The following TBC1D2B variants were observed in gnomAD, a reference collection of about 807,000 sequenced individuals.
TBC1D2B encodes the protein TBC1 domain family member 2B.
A neutral mutation model predicts 100.8 loss-of-function variants in TBC1D2B; 64 were observed. The ratio of observed to expected loss-of-function variants is 0.64; its 90% CI spans 0.52 to 0.78. The LOEUF (loss-of-function observed/expected upper bound fraction) is 0.78, where lower values mean the gene tolerates loss of function less well. Ranked by LOEUF, TBC1D2B falls within the 30% of genes least tolerant of loss-of-function variation. The pLI, the probability that TBC1D2B is intolerant of heterozygous loss-of-function variation, is 0.00. For synonymous variants in TBC1D2B, 480 were observed against 479.7 expected (o/e 1.00, Z -0.01); for missense variants, 1,052 against 1,218.4 (o/e 0.86, Z 2.03).
chr15:78,009,032 G>A lies in TBC1D2B; in HGVS notation c.2353C>T (p.Arg785Ter), dbSNP rs1470259761. The change falls in exon 10 of 13, where the codon CGA becomes TGA. Residue 785 changes from arginine (R) to a stop codon, truncating the protein, a stop_gained. Coordinates refer to ENST00000300584, the MANE Select transcript of TBC1D2B (RefSeq NM_144572.2). LOFTEE classifies it high-confidence loss of function. Reference protein sequence around the residue: ...LVTIVEVFMPRDYYTKTLLGS... With the variant: ...LVTIVEVFMP Reference sequence around the variant, plus strand: ...AAAAGAGTCTTTGTATAATAGTCTCGAGGCATGAAAACTTCCACTATGGTA... The same window carrying A: ...AAAAGAGTCTTTGTATAATAGTCTCAAGGCATGAAAACTTCCACTATGGTA... 2 of 1,605,642 alleles carry A rather than the reference G, an allele frequency of 1.2e-6. No homozygotes were observed. The highest frequency in any genetic ancestry group is 1.7e-6 in the Non-Finnish European group (2 of 1,175,828).
At chr15:78,063,707 TAAC>T (rs1356311279) in intron 1 of TBC1D2B, among the ~76,000 whole-genome samples, 6 of 152,060 alleles carry the variant, frequency 3.9e-5, no homozygotes, top group Non-Finnish European at 7.4e-5. Flanking sequence ...CTGTGAGCAA[TAAC>T]AACACCACAC....
intron 1 of TBC1D2B, among the ~76,000 whole-genome samples, chr15:78,060,403 C>T (rs1567033461): frequency 4.0e-5 from 6 of 151,244 alleles, no homozygotes; most frequent in Admixed American, 2.0e-4. Flanking sequence ...TTTGGGAGGC[C>T]CAGGTGGGTG....
At position 78,054,012 on chromosome 15, in the gene TBC1D2B, C is replaced by T. The variant is rs771659176; in HGVS notation, c.514+22G>A. The T allele has an allele frequency of 3.7e-6, 6 of 1,602,990 alleles. No homozygotes were observed. In the African/African-American group the frequency reaches 8.1e-5, roughly 22 times the overall value. Reference sequence around the variant, plus strand: ...TGGCTTACACAAAGAACTGACCCAGCTCCCCTTTATTTCTGCCTTACCAGT... The same window carrying T: ...TGGCTTACACAAAGAACTGACCCAGTTCCCCTTTATTTCTGCCTTACCAGT... On this transcript the variant is annotated intron_variant, in intron 2 of 12. Transcript: ENST00000300584.
chr15:78,019,655 A>T (rs891650045), intron 6 of TBC1D2B, among the ~76,000 whole-genome samples: 28 of 152,002 alleles, frequency 1.8e-4, no homozygotes, highest in African/African-American at 5.8e-4. Context: ...TGGGAGGCCA[A>T]GGCAAGAGGA....
At chr15:78,020,888 C>T (rs16953970) in intron 6 of TBC1D2B, among the ~76,000 whole-genome samples, 8,719 of 152,092 alleles carry the variant, frequency 0.057, 359 homozygotes, top group East Asian at 0.24. Context: ...GAACAGCAAA[C>T]GCAGGAAGAA....
chr15:78,002,578 A>C (rs1407272404), intron 11 of TBC1D2B: 1 of 152,074 alleles, frequency 6.6e-6, no homozygotes, highest in Non-Finnish European at 1.5e-5. Context: ...CTTTGGAACA[A>C]ACTGCTTTCC....
chr15:78,028,376 G>T (rs2072725036), intron 4 of TBC1D2B, among the ~76,000 whole-genome samples: 1 of 152,218 alleles, frequency 6.6e-6, no homozygotes, highest in South Asian at 2.1e-4. Flanking sequence ...TCAGGAGGCT[G>T]AGGCAGAATC....
At position 78,001,737 on chromosome 15, in the gene TBC1D2B, T is replaced by C. The variant is rs867173497; in HGVS notation, c.2578A>G (p.Ile860Val). The stretch of plus-strand genomic sequence containing the variant: ...AAAAGTGCCAGAGCAAAACGGAAAA[T>C]AACCTGTGGAATAAACAGGGAAATC... ...DSFLYEGPKV[I>V]FRFALALFKY... The change falls in exon 12 of 13, where the codon ATT becomes GTT. Residue 860 changes from isoleucine (I) to valine (V), a missense_variant. By Grantham distance (29) the Ile-to-Val change is conservative (BLOSUM62 3). Transcript: ENST00000300584. 3.7e-6 allele frequency: 6 copies of C among 1,605,594 alleles called. No individual in the cohort carries two copies. The African/African-American group carries it at 5.4e-5, about 14-fold the overall frequency.
intron 1 of TBC1D2B, among the ~76,000 whole-genome samples, chr15:78,057,640 T>C (rs1165879412): frequency 1.3e-5 from 2 of 151,766 alleles, no homozygotes; most frequent in African/African-American, 4.8e-5. Context: ...TGAGACTCTG[T>C]CTCAAAGAAA....
chr15:78,013,729 T>C (rs908577075), intron 8 of TBC1D2B, among the ~76,000 whole-genome samples: 1 of 151,572 alleles, frequency 6.6e-6, no homozygotes, highest in Non-Finnish European at 1.5e-5. Context: ...TTTAAAAGAT[T>C]AAAAAAAAAC....
rs574538050 is a variant in TBC1D2B at position 78,012,771 on chromosome 15, T to G, written c.2270+52A>C. 1.4e-5 allele frequency: 19 copies of G among 1,399,682 alleles called. No individual in the cohort carries two copies. The South Asian group carries it at 4.1e-4, about 30-fold the overall frequency. The allele number at this position is 1,399,682 out of a possible 1,614,324, so 86.7% of individuals were successfully genotyped here. A position where few individuals can be genotyped will look rare whatever the true frequency, so the allele number is the denominator to read the frequency against. ...GGAGGGAGCTGCCAGGCAGCACCGG[T>G]GCCTACAAGTTGCCTAATGGCAAAT... On this transcript the variant is annotated intron_variant, in intron 9 of 12. Coordinates refer to ENST00000300584, the MANE Select transcript of TBC1D2B (RefSeq NM_144572.2).
At chr15:78,038,655 T>C (rs1271053024) in intron 3 of TBC1D2B, among the ~76,000 whole-genome samples, 1 of 152,170 alleles carries the variant, frequency 6.6e-6, no homozygotes, top group Non-Finnish European at 1.5e-5. Flanking sequence ...AGGCACAGGA[T>C]GCAGACAGGT....
Position 78,030,008 on chromosome 15 carries a change from T to C in TBC1D2B, c.846A>G (p.Lys282=), listed in dbSNP as rs1294793845. 4 of 1,605,472 alleles carry C rather than the reference T, an allele frequency of 2.5e-6. No individual in the cohort carries two copies. The highest frequency in any genetic ancestry group is 3.4e-6 in the Non-Finnish European group (4 of 1,177,034). ...EKKKLTPEGN[K]GVTGSGFPFD... is the part of the protein sequence containing the mutation. ...AGACAACAGGAAGTACATTGATACC[T>C]TTGTTTCCTTCAGGGGTCAGCTTCT... The change falls in exon 4 of 13, where the codon AAA becomes AAG. Residue 282 remains lysine, a splice_region_variant and synonymous_variant. Transcript: ENST00000300584.
rs1014042942 is a variant in TBC1D2B at position 77,995,070 on chromosome 15, T to C, written c.*3090A>G. On this transcript the variant is annotated 3_prime_UTR_variant, in exon 13 of 13. Transcript: ENST00000300584. ...AAGGTCAGCACAGGAGCTGCTGTGA[T>C]ATAAAAGGAGAGAGTCACCTGGCGC... 3 of 152,232 alleles carry C rather than the reference T, an allele frequency of 2.0e-5. No homozygotes were observed. Among genetic ancestry groups the C allele is most frequent in the African/African-American group, 7.2e-5 (3 of 41,464 alleles). 9.4% of individuals were successfully genotyped at this position (152,232 alleles called of 1,614,324 possible).
intron 4 of TBC1D2B, among the ~76,000 whole-genome samples, chr15:78,026,653 C>T (rs1184003032): frequency 6.6e-6 from 1 of 152,146 alleles, no homozygotes; most frequent in East Asian, 1.9e-4. Flanking sequence ...TGGTGGCTCA[C>T]GCCTGTAATC....
chr15:78,044,488 C>T (rs1596322727), intron 3 of TBC1D2B, among the ~76,000 whole-genome samples: 2 of 152,250 alleles, frequency 1.3e-5, no homozygotes, highest in East Asian at 3.9e-4. Context: ...CATGCACAAA[C>T]AGAGAATGGA....
intron 12 of TBC1D2B, among the ~76,000 whole-genome samples, chr15:77,999,821 G>C (rs2071864252): frequency 6.6e-6 from 1 of 152,236 alleles, no homozygotes; most frequent in South Asian, 2.1e-4. Flanking sequence ...CTCTGCCTCA[G>C]GCCTGGAAGG....
At position 78,001,601 on chromosome 15, in the gene TBC1D2B, G is replaced by C. The variant is rs775328028; in HGVS notation, c.2696+18C>G. 6.3e-7 allele frequency: 1 copy of C among 1,599,490 alleles called. No individual in the cohort carries two copies. Among genetic ancestry groups the C allele is most frequent in the South Asian group, 1.1e-5 (1 of 88,308 alleles). On this transcript the variant is annotated intron_variant, in intron 12 of 12. Coordinates refer to ENST00000300584, the MANE Select transcript of TBC1D2B (RefSeq NM_144572.2). Reference sequence around the variant, plus strand: ...GCTTCCTGCTCTCCTTGACATCTGAGAACTCCCCAGGACTCACCTAGCATC... The same window carrying C: ...GCTTCCTGCTCTCCTTGACATCTGACAACTCCCCAGGACTCACCTAGCATC...
intron 1 of TBC1D2B, among the ~76,000 whole-genome samples, chr15:78,075,769 G>A (rs1360654941): frequency 6.6e-6 from 1 of 152,148 alleles, no homozygotes; most frequent in African/African-American, 2.4e-5. Flanking sequence ...ACAGGACAGG[G>A]GAGCCCAAGA....
Sources: allele counts gnomAD v4.1 joint callset (sites outside exome capture counted in the v4.1 genomes callset), GRCh38; gene constraint gnomAD v4.1.1; transcripts MANE v1.5; gene names NCBI Gene and HGNC (gene_info 2026-07-23, HGNC 2026-07-21).